The following OXTR variants were observed in gnomAD, a reference collection of about 807,000 sequenced individuals.
OXTR encodes oxytocin receptor.
Under a neutral mutation model 23.9 loss-of-function variants are expected in OXTR, and 19 were observed. The ratio of observed to expected loss-of-function variants is 0.80; its 90% CI spans 0.56 to 1.17. The LOEUF (loss-of-function observed/expected upper bound fraction) is 1.17. Among genes scored for constraint, OXTR ranks in the 50% most tolerant of loss-of-function variants. OXTR has a pLI of 0.00. For synonymous variants in OXTR, 278 were observed against 250.5 expected (o/e 1.11, Z -1.04); for missense variants, 500 against 550.7 (o/e 0.91, Z 0.92).
At chr3:8,760,294 T>C (rs1708458647) in intron 3 of OXTR, among the ~76,000 whole-genome samples, 1 of 152,210 alleles carries the variant, frequency 6.6e-6, no homozygotes, top group Admixed American at 6.5e-5. Context: ...ACTGTGGGTG[T>C]CCCTCCCAGA....
At chr3:8,759,351 A>G (rs1220525733) in intron 3 of OXTR, among the ~76,000 whole-genome samples, 1 of 152,218 alleles carries the variant, frequency 6.6e-6, no homozygotes, top group Non-Finnish European at 1.5e-5. Flanking sequence ...AAATAGCTCT[A>G]TAACAGCATC....
chr3:8,741,861 C>T, the OXTR span, among the ~76,000 whole-genome samples: 1 of 152,274 alleles, frequency 6.6e-6, no homozygotes, highest in South Asian at 2.1e-4. Context: ...ACTGCGCTGG[C>T]TGGTTTCAAT....
chr3:8,752,002 T>C lies in OXTR; in HGVS notation c.*975A>G, dbSNP rs985198388. ...AAGTCTGATCCATGAACACAGGATG[T>C]CTTTCCATTTATTTAAGCCTTCTTT... On this transcript the variant is annotated 3_prime_UTR_variant, in exon 4 of 4. Transcript: ENST00000316793. 4 of 152,250 alleles carry C rather than the reference T, an allele frequency of 2.6e-5. No individual in the cohort carries two copies. Among genetic ancestry groups the C allele is most frequent in the African/African-American group, 4.8e-5 (2 of 41,470 alleles). The allele number at this position is 152,250 out of a possible 1,614,324, so 9.4% of individuals were successfully genotyped here. A position where few individuals can be genotyped will look rare whatever the true frequency, so the allele number is the denominator to read the frequency against.
At chr3:8,760,922 G>A (rs552496125) in intron 3 of OXTR, among the ~76,000 whole-genome samples, 1 of 152,302 alleles carries the variant, frequency 6.6e-6, no homozygotes, top group South Asian at 2.1e-4. Context: ...AGAACAAGGG[G>A]TCTAAGCCAG....
intron 3 of OXTR, among the ~76,000 whole-genome samples, chr3:8,756,538 T>G (rs1204432657): frequency 6.6e-6 from 1 of 152,202 alleles, no homozygotes; most frequent in African/African-American, 2.4e-5. Flanking sequence ...TTGCCTAATG[T>G]TATGATTTGA....
rs1261621226 is a variant in OXTR at position 8,750,408 on chromosome 3, T to A, written c.*2569A>T. The A allele has an allele frequency of 6.6e-6, 1 of 152,186 alleles. No individual in the cohort carries two copies. Among genetic ancestry groups the A allele is most frequent in the East Asian group, 1.9e-4 (1 of 5,196 alleles). 9.4% of individuals were successfully genotyped at this position (152,186 alleles called of 1,614,324 possible). The stretch of plus-strand genomic sequence containing the variant: ...CTCTGAATTCATCTGTTGAATTTTT[T>A]TTGTTTATTTTTATTTTTTAAAGTT... On this transcript the variant is annotated 3_prime_UTR_variant, in exon 4 of 4. Coordinates refer to ENST00000316793, the MANE Select transcript of OXTR (RefSeq NM_000916.4).
rs1708683859 is a variant in OXTR at position 8,768,247 on chromosome 3, G to A, written c.-60C>T. The A allele has an allele frequency of 7.9e-7, 1 of 1,260,172 alleles. No homozygotes were observed. Among genetic ancestry groups the A allele is most frequent in the South Asian group, 3.2e-5 (1 of 31,262 alleles). 78.1% of individuals were successfully genotyped at this position (1,260,172 alleles called of 1,614,324 possible). ...GCCCTTTACGGCTTGGCGCGGCTGG[G>A]CCGGATCCGGCGTGTCGGAGGGTGT... is the stretch of plus-strand genomic sequence containing the variant. On this transcript the variant is annotated 5_prime_UTR_variant, in exon 3 of 4. Transcript: ENST00000316793. The surrounding 1 kb of genome is among the most constrained non-coding windows in gnomAD (Gnocchi z 5.4).
chr3:8,746,027 C>T (rs191758422), downstream of OXTR: 27 of 615,718 alleles, frequency 4.4e-5, no homozygotes, highest in Non-Finnish European at 7.1e-5. Flanking sequence ...AAAGAAAAGA[C>T]GGCCCAGCCA....
intron 3 of OXTR, among the ~76,000 whole-genome samples, chr3:8,759,895 C>T (rs1559671971): frequency 6.6e-6 from 1 of 152,204 alleles, no homozygotes; most frequent in East Asian, 1.9e-4. Context: ...CTGGTTACAC[C>T]TCTCTCCCAC....
At chr3:8,766,790 G>A (rs1347640801) in intron 3 of OXTR, among the ~76,000 whole-genome samples, 1 of 152,176 alleles carries the variant, frequency 6.6e-6, no homozygotes, top group Non-Finnish European at 1.5e-5. Flanking sequence ...CTTGGCTTCA[G>A]CTGGATTTCT....
downstream of OXTR, chr3:8,745,652 G>A (rs1708134992): frequency 6.2e-7 from 1 of 1,614,096 alleles, no homozygotes; most frequent in Non-Finnish European, 8.5e-7. This position sits in a 1 kb window ranked among gnomAD's most constrained non-coding sequence, Gnocchi z 4.8. Flanking sequence ...CACGCTGCTG[G>A]GCGTCCCACT....
intron 3 of OXTR, among the ~76,000 whole-genome samples, chr3:8,756,528 T>C (rs111577599): frequency 8.5e-5 from 13 of 152,296 alleles, no homozygotes; most frequent in African/African-American, 2.9e-4. Flanking sequence ...GTTAGGCAGT[T>C]TGCCTAATGT....
At chr3:8,741,855 C>T in the OXTR span, among the ~76,000 whole-genome samples, 10 of 152,214 alleles carry the variant, frequency 6.6e-5, no homozygotes, top group East Asian at 1.5e-3. Context: ...GCGGGGACTG[C>T]GCTGGCTGGT....
At chr3:8,754,110 T>G (rs1559666545) in intron 3 of OXTR, among the ~76,000 whole-genome samples, 1 of 152,040 alleles carries the variant, frequency 6.6e-6, no homozygotes, top group Non-Finnish European at 1.5e-5. Context: ...ACAATAAGAC[T>G]CATGCAGGAA....
At chr3:8,764,149 G>A (rs1253426609) in intron 3 of OXTR, among the ~76,000 whole-genome samples, 2 of 150,506 alleles carry the variant, frequency 1.3e-5, no homozygotes, top group African/African-American at 5.0e-5. Flanking sequence ...GGGTCCCTGG[G>A]CCACCACATC....
intron 3 of OXTR, among the ~76,000 whole-genome samples, chr3:8,754,163 C>G (rs146633345): frequency 6.6e-6 from 1 of 152,276 alleles, no homozygotes; most frequent in South Asian, 2.1e-4. Context: ...TCTGTAAAGG[C>G]TATTATACTG....
At chr3:8,761,603 G>C (rs1474890668) in intron 3 of OXTR, among the ~76,000 whole-genome samples, 6 of 152,154 alleles carry the variant, frequency 3.9e-5, no homozygotes, top group Non-Finnish European at 7.4e-5. Context: ...TCGTGGGCAG[G>C]TCACACCTCT....
In OXTR at chr3:8,767,929, C is replaced by G; in HGVS notation, c.259G>C (p.Val87Leu). Reference protein sequence around the residue: ...FMKHLSIADLVVAVFQVLPQL... With the variant: ...FMKHLSIADLLVAVFQVLPQL... ...GGCAGCACCTGAAACACTGCCACCA[C>G]CAGGTCGGCGATGCTTAGGTGCTTC... The change falls in exon 3 of 4, where the codon GTG becomes CTG. Residue 87 changes from valine to leucine, a missense_variant. Coordinates refer to ENST00000316793, the MANE Select transcript of OXTR (RefSeq NM_000916.4). 6.2e-7 allele frequency: 1 copy of G among 1,613,526 alleles called. No individual in the cohort carries two copies.
chr3:8,750,829 G>A lies in OXTR; in HGVS notation c.*2148C>T, dbSNP rs200197745. The A allele has an allele frequency of 3.3e-5, 5 of 152,176 alleles. No individual in the cohort carries two copies. Among genetic ancestry groups the A allele is most frequent in the Non-Finnish European group, 4.4e-5 (3 of 68,036 alleles). The allele number at this position is 152,176 out of a possible 1,614,324, so 9.4% of individuals were successfully genotyped here. ...CCACTTTTTGGCTATTACAAATAAT[G>A]TTGCTATGAACATTGGTGTACAAGT... On this transcript the variant is annotated 3_prime_UTR_variant, in exon 4 of 4. Transcript: ENST00000316793.
Sources: gnomAD v4.1 joint callset for allele counts (sites outside exome capture counted in the v4.1 genomes callset) on GRCh38, gnomAD v4.1.1 for gene constraint, Gnocchi (gnomAD v3.1) non-coding constraint, MANE v1.5 for transcripts, NCBI Gene and HGNC (gene_info 2026-07-23, HGNC 2026-07-21) for gene names.